Variants in TNFRSF4 observed in about 807,000 individuals in gnomAD.
TNFRSF4 encodes the protein TNF receptor superfamily member 4.
A neutral mutation model predicts 29.5 loss-of-function variants in TNFRSF4; 21 were observed. That is an observed-to-expected ratio of 0.71 (90% CI 0.51 to 1.03). TNFRSF4 has a LOEUF of 1.03. Ranked by LOEUF, TNFRSF4 falls within the 50% of genes least tolerant of loss-of-function variation. The pLI is 0.00. For synonymous variants in TNFRSF4, 197 were observed against 172.7 expected (o/e 1.14, Z -1.10); for missense variants, 408 against 387.8 (o/e 1.05, Z -0.44).
intron 1 of TNFRSF4, 74 bp from the exon 2 acceptor site, chr1:1,213,859 C>T: frequency 6.7e-7 from 1 of 1,498,322 alleles, no homozygotes; most frequent in Non-Finnish European, 8.9e-7. Context: ...GGCGGCTCCT[C>T]TGCCAGGCTT....
At chr1:1,212,196 C>G in intron 4 of TNFRSF4, 58 bp from the exon 5 acceptor site, 1 of 1,582,188 alleles carries the variant, frequency 6.3e-7, no homozygotes, top group East Asian at 2.3e-5. Context: ...CCGGGAGATG[C>G]GGTGGGGATA....
In TNFRSF4 at chr1:1,213,051, T is replaced by G; in HGVS notation, c.311A>C (p.Asp104Ala). The change falls in exon 3 of 7, where the codon GAC (aspartate) becomes GCC (alanine). Residue 104 changes from aspartate to alanine, a missense_variant. By Grantham distance (126) the Asp-to-Ala change is moderately radical. Transcript: ENST00000379236. ...ERKQLCTATQ[D>A]TVCRCRAGTQ... Reference sequence around the variant, plus strand: ...GCCCGCCCGGCAGCGGCAGACTGTGTCCTGTGTGGCCGTGCACAGCTGCTT... The same window carrying G: ...GCCCGCCCGGCAGCGGCAGACTGTGGCCTGTGTGGCCGTGCACAGCTGCTT... 6.2e-7 allele frequency: 1 copy of G among 1,611,474 alleles called. No individual in the cohort carries two copies. Among genetic ancestry groups the G allele is most frequent in the Non-Finnish European group, 8.5e-7 (1 of 1,179,542 alleles).
intron 2 of TNFRSF4, 141 bp downstream of exon 2, chr1:1,213,522 C>A (rs943007938): frequency 6.8e-7 from 1 of 1,466,020 alleles, no homozygotes; most frequent in Non-Finnish European, 9.0e-7. Flanking sequence ...CCTCGAAGGA[C>A]CCCTGTGGCG....
rs956785220 is a variant in TNFRSF4, at chr1:1,211,372, C to T, written c.*183G>A. The stretch of plus-strand genomic sequence containing the variant: ...TGCCAAGGTTTTTATTGTGGTCCCG[C>T]GGGGCAGGAGGTATGCATGGCATAC... On this transcript the variant is annotated 3_prime_UTR_variant, in exon 7 of 7. Transcript: ENST00000379236. The T allele has an allele frequency of 2.2e-5, 11 of 507,396 alleles. No homozygotes were observed. Among genetic ancestry groups the T allele is most frequent in the South Asian group, 4.7e-5 (1 of 21,230 alleles). The allele number at this position is 507,396 out of a possible 1,614,324, so 31.4% of individuals were successfully genotyped here. A position where few individuals can be genotyped will look rare whatever the true frequency, so the allele number is the denominator to read the frequency against.
chr1:1,213,293 G>A, intron 2 of TNFRSF4, 200 bp from the exon 3 acceptor site: 1 of 1,528,464 alleles, frequency 6.5e-7, no homozygotes, highest in Non-Finnish European at 8.7e-7. Context: ...ACCTGGGGCT[G>A]GTTCCGTGGC....
At chr1:1,213,594 G>A (rs946557749) in intron 2 of TNFRSF4, 69 bp downstream of exon 2, 15 of 1,507,284 alleles carry the variant, frequency 1.0e-5, no homozygotes, top group African/African-American at 1.4e-5. Flanking sequence ...ATGCTGCTGC[G>A]TGGGAATGTG....
In TNFRSF4 at chr1:1,212,617, GC is replaced by G; in HGVS notation, c.437+20del. On this transcript the variant is annotated intron_variant, in intron 4 of 6. Coordinates refer to ENST00000379236, the MANE Select transcript of TNFRSF4 (RefSeq NM_003327.4). ...CCCAACCCCCCCCCAGCCCCTCCCA[GC>G]CCCTGGCCAGGCCCCTCACTTGGTC... 1.4e-6 allele frequency: 1 copy of G among 709,082 alleles called. No individual in the cohort carries two copies. Among genetic ancestry groups the G allele is most frequent in the South Asian group, 1.7e-5 (1 of 57,176 alleles). 43.9% of individuals were successfully genotyped at this position (709,082 alleles called of 1,614,324 possible). A position where few individuals can be genotyped will look rare whatever the true frequency, so the allele number is the denominator to read the frequency against.
In TNFRSF4 at chr1:1,211,644, G is replaced by A. The variant is rs34945898; in HGVS notation, c.764-19C>T. The A allele has an allele frequency of 7.2e-3, 11,239 of 1,563,318 alleles. 55 individuals carry two copies. Among genetic ancestry groups the A allele is most frequent in the Non-Finnish European group, 8.6e-3 (9,955 of 1,156,382 alleles). On this transcript the variant is annotated intron_variant, in intron 6 of 6. Coordinates refer to ENST00000379236, the MANE Select transcript of TNFRSF4 (RefSeq NM_003327.4). ...CCTCCCCCTGGGGAGGAAAAAAGGA[G>A]AGATTGGTGGGTGGGCCTCACCCGC...
chr1:1,213,506 T>C, intron 2 of TNFRSF4, 157 bp downstream of exon 2: 1 of 1,466,272 alleles, frequency 6.8e-7, no homozygotes, highest in Non-Finnish European at 9.0e-7. Flanking sequence ...GGGAGACGCC[T>C]CAGCTCCTCG....
intron 2 of TNFRSF4, chr1:1,213,360 G>A (rs983006871): frequency 9.2e-5 from 141 of 1,530,664 alleles, no homozygotes; most frequent in African/African-American, 3.7e-4. Flanking sequence ...CCCCGCCTGC[G>A]GCAGGGTCTC....
rs746209318 is a variant in TNFRSF4 at position 1,214,094 on chromosome 1, G to A, written c.34C>T (p.Pro12Ser). The change falls in exon 1 of 7, where the codon CCG becomes TCG. Residue 12 changes from proline to serine, a missense_variant. Pro to Ser is a moderately conservative substitution (Grantham distance 74). Coordinates refer to ENST00000379236, the MANE Select transcript of TNFRSF4 (RefSeq NM_003327.4). The surrounding 1 kb of genome is among the most constrained non-coding windows in gnomAD (Gnocchi z 4.2). ...CCCAGGAGGAGCAGAGCCGCACACG[G>A]CCCGCGGCCCAGCCGCCGAGCCCCC... Reference protein sequence around the residue: ...CVGARRLGRGPCAALLLLGLG... With the variant: ...CVGARRLGRGSCAALLLLGLG... The A allele has an allele frequency of 2.3e-5, 37 of 1,586,796 alleles. No homozygotes were observed. Among genetic ancestry groups the A allele is most frequent in the Non-Finnish European group, 2.9e-5 (34 of 1,171,636 alleles).
chr1:1,212,872 G>T (rs1015997962), intron 3 of TNFRSF4, 120 bp downstream of exon 3: 5 of 1,285,428 alleles, frequency 3.9e-6, no homozygotes, highest in Non-Finnish European at 5.3e-6. Context: ...CCGGGAGCTC[G>T]GTCTTGAGGA....
chr1:1,213,889 C>A (rs1046981993), intron 1 of TNFRSF4, 94 bp downstream of exon 1: 1 of 1,433,696 alleles, frequency 7.0e-7, no homozygotes. Flanking sequence ...CTCACCCGCC[C>A]CCTCCCCAGG....
At chr1:1,212,784 C>A in intron 3 of TNFRSF4, 80 bp from the exon 4 acceptor site, 1 of 1,313,034 alleles carries the variant, frequency 7.6e-7, no homozygotes, top group Non-Finnish European at 1.0e-6. Flanking sequence ...GTGGGGCAGG[C>A]ACTTGCCCCC....
chr1:1,211,863 A>AGGAGGGGCCCC, intron 5 of TNFRSF4, 31 bp from the exon 6 acceptor site: 1 of 1,519,872 alleles, frequency 6.6e-7, no homozygotes. Context: ...GGTGGGGTCC[A>AGGAGGGGCCCC]CAGGAGGGGC....
At chr1:1,212,363 C>T (rs1256258950) in intron 4 of TNFRSF4, among the ~76,000 whole-genome samples, 1 of 152,016 alleles carries the variant, frequency 6.6e-6, no homozygotes, top group Admixed American at 6.5e-5. Context: ...ACCTCCCTGT[C>T]CTGTGCCCCC....
Position 1,211,721 on chromosome 1 carries a change from T to A in TNFRSF4, c.746A>T (p.Asp249Val), listed in dbSNP as rs753387842. 6.3e-7 allele frequency: 1 copy of A among 1,586,756 alleles called. No homozygotes were observed. Among genetic ancestry groups the A allele is most frequent in the South Asian group, 1.1e-5 (1 of 88,064 alleles). Residue 249 changes from aspartate (D) to valine (V), a missense_variant, in exon 6 of 7, where the codon GAT becomes GTT. Asp to Val is a radical substitution (Grantham distance 152). Coordinates refer to ENST00000379236, the MANE Select transcript of TNFRSF4 (RefSeq NM_003327.4). ...GCACTCACCAGGGGGCTTGTGGGCA[T>A]CGGGGGGCAGCCTCTGGTCCCTCCG... is the stretch of plus-strand genomic sequence containing the variant. ...LLRRDQRLPP[D>V]AHKPPGGGSF...
chr1:1,212,783 G>A, intron 3 of TNFRSF4, 79 bp from the exon 4 acceptor site: 1 of 1,332,738 alleles, frequency 7.5e-7, no homozygotes, highest in Non-Finnish European at 1.0e-6. Flanking sequence ...TGTGGGGCAG[G>A]CACTTGCCCC....
chr1:1,213,622 C>A, intron 2 of TNFRSF4, 41 bp downstream of exon 2: 1 of 1,541,594 alleles, frequency 6.5e-7, no homozygotes, highest in East Asian at 2.4e-5. Flanking sequence ...GGCTGCCGCC[C>A]CCTGTGCTGG....
Sources: allele counts gnomAD v4.1 joint callset (sites outside exome capture counted in the v4.1 genomes callset), GRCh38; gene constraint gnomAD v4.1.1; non-coding constraint Gnocchi (gnomAD v3.1); transcripts MANE v1.5; gene names NCBI Gene and HGNC (gene_info 2026-07-23, HGNC 2026-07-21).